The following PLCB4 variants were observed in gnomAD, a reference collection of about 807,000 sequenced individuals.
PLCB4 encodes the protein phospholipase C beta 4.
In PLCB4, 77 loss-of-function variants were observed where a neutral mutation model predicts 178.8. That is an observed-to-expected ratio of 0.43 (90% confidence interval 0.36 to 0.52). The LOEUF (loss-of-function observed/expected upper bound fraction) is 0.52. PLCB4 is among the 20% of genes least tolerant of loss of function. The probability of loss-of-function intolerance (pLI) is 0.00; values close to 1 mark genes in which losing one functional copy is unlikely to be tolerated. For synonymous variants in PLCB4, 496 were observed against 490.8 expected (o/e 1.01, Z -0.14); for missense variants, 1,024 against 1,453.4 (o/e 0.70, Z 4.80).
At chr20:9,166,118 G>A (rs187136579) in intron 2 of PLCB4, among the ~76,000 whole-genome samples, 2 of 152,240 alleles carry the variant, frequency 1.3e-5, no homozygotes, top group African/African-American at 4.8e-5. Context: ...TTATAACCAA[G>A]TTACTACATT....
chr20:9,153,478 T>A (rs2092726628), intron 2 of PLCB4, among the ~76,000 whole-genome samples: 1 of 152,194 alleles, frequency 6.6e-6, no homozygotes, highest in African/African-American at 2.4e-5. Flanking sequence ...TGCTTCTTCC[T>A]CATTTTCTCT....
intron 1 of PLCB4, among the ~76,000 whole-genome samples, chr20:9,082,390 G>A (rs577205227): frequency 3.3e-5 from 5 of 152,120 alleles, no homozygotes; most frequent in South Asian, 2.1e-4. Flanking sequence ...CATTTTATTC[G>A]TAGTGGTTTG....
chr20:9,150,873 A>G (rs2092679549), intron 2 of PLCB4, among the ~76,000 whole-genome samples: 1 of 152,230 alleles, frequency 6.6e-6, no homozygotes, highest in Non-Finnish European at 1.5e-5. Flanking sequence ...AGCTGTTGCC[A>G]TAAAAATCTT....
At chr20:9,198,441 G>T (rs1484896802) in intron 2 of PLCB4, among the ~76,000 whole-genome samples, 1 of 152,160 alleles carries the variant, frequency 6.6e-6, no homozygotes, top group Non-Finnish European at 1.5e-5. Context: ...GTGGAATATG[G>T]GGAATCAACA....
intron 7 of PLCB4, among the ~76,000 whole-genome samples, chr20:9,343,090 G>C (rs577391816): frequency 2.8e-4 from 43 of 152,228 alleles, no homozygotes; most frequent in African/African-American, 1.0e-3. Flanking sequence ...TGTGTATTTT[G>C]TTTGTCTTAT....
chr20:9,114,166 A>G (rs1386609943), intron 2 of PLCB4, among the ~76,000 whole-genome samples: 4 of 152,168 alleles, frequency 2.6e-5, no homozygotes, highest in Non-Finnish European at 4.4e-5. Flanking sequence ...GTGAGCTGAG[A>G]TCATGCCATT....
rs763846898 is a variant in PLCB4, at chr20:9,349,053, T to TA, written c.369+10029dup. On this transcript the variant is annotated intron_variant, in intron 7 of 39. Coordinates refer to ENST00000378473, the MANE Select transcript of PLCB4 (RefSeq NM_001377142.1). ...ATTCTATGCAGAAAGTACAGGATAG[T>TA]AAAAAAAAAAAAAGAAAAGAAAAGA... Among the ~76,000 whole-genome samples, 752 of 134,276 alleles carry TA rather than the reference T, an allele frequency of 5.6e-3. 4 individuals carry two copies. The highest frequency in any genetic ancestry group is 0.014 in the African/African-American group (496 of 36,388). The allele number at this position is 134,276 out of a possible 152,430, so 88.1% of individuals were successfully genotyped here.
intron 3 of PLCB4, among the ~76,000 whole-genome samples, chr20:9,219,645 T>C (rs903367159): frequency 2.0e-5 from 3 of 152,132 alleles, no homozygotes; most frequent in Non-Finnish European, 4.4e-5. Flanking sequence ...CTTCCATATG[T>C]CCCTCCATCC....
At chr20:9,242,659 G>A (rs918887790) in intron 3 of PLCB4, among the ~76,000 whole-genome samples, 9 of 152,168 alleles carry the variant, frequency 5.9e-5, no homozygotes, top group Admixed American at 4.6e-4. Context: ...GTTTAGCTGG[G>A]GATTTTACAG....
At chr20:9,114,213 T>G (rs1425673202) in intron 2 of PLCB4, among the ~76,000 whole-genome samples, 2 of 151,952 alleles carry the variant, frequency 1.3e-5, no homozygotes, top group African/African-American at 4.8e-5. Flanking sequence ...GACTTTGTCT[T>G]AAAAACCTAG....
At chr20:9,242,572 A>G (rs1219989599) in intron 3 of PLCB4, among the ~76,000 whole-genome samples, 1 of 152,190 alleles carries the variant, frequency 6.6e-6, no homozygotes, top group Non-Finnish European at 1.5e-5. Flanking sequence ...CTGATTTACT[A>G]ATAGGGTTGA....
chr20:9,395,693 G>T, intron 19 of PLCB4, 75 bp downstream of exon 19: 1 of 1,080,252 alleles, frequency 9.3e-7, no homozygotes, highest in Admixed American at 2.0e-5. Flanking sequence ...GCTGGGCACA[G>T]TGGCTCAAGC....
rs201634705 is a variant in PLCB4 at position 9,290,179 on chromosome 20, C to A, written c.-15-17621C>A. On this transcript the variant is annotated intron_variant, in intron 3 of 39. Coordinates refer to ENST00000378473, the MANE Select transcript of PLCB4 (RefSeq NM_001377142.1). ...ACTTTATCCTTTCAGAAAAAAAAAA[C>A]CAAAAAAAAAAAACTAATTGATTGC... 3.1e-4 allele frequency among the ~76,000 whole-genome samples: 41 copies of A among 131,418 alleles called. 1 individual carries two copies. Among genetic ancestry groups the A allele is most frequent in the Middle Eastern group, 3.8e-3 (1 of 266 alleles). The allele number at this position is 131,418 out of a possible 152,430, so 86.2% of individuals were successfully genotyped here. A position where few individuals can be genotyped will look rare whatever the true frequency, so the allele number is the denominator to read the frequency against.
At chr20:9,299,044 A>C (rs2094673446) in intron 3 of PLCB4, among the ~76,000 whole-genome samples, 1 of 152,088 alleles carries the variant, frequency 6.6e-6, no homozygotes. Context: ...CGTTCATTTT[A>C]GTCAGTATAT....
At chr20:9,081,768 C>CAAAAAAAAAAAAAA (rs10629831) in intron 1 of PLCB4, among the ~76,000 whole-genome samples, 2 of 90,464 alleles carry the variant, frequency 2.2e-5, no homozygotes, top group African/African-American at 4.4e-5. Context: ...GATGATTAAG[C>CAAAAAAAAAAAAAA]AAAAAAAAAA....
chr20:9,362,772 G>A (rs2035456860), intron 7 of PLCB4, 124 bp from the exon 8 acceptor site: 1 of 664,088 alleles, frequency 1.5e-6, no homozygotes. Context: ...TGTGTGACAG[G>A]AAAGGGACAA....
At chr20:9,209,865 G>A (rs1442818069) in intron 2 of PLCB4, among the ~76,000 whole-genome samples, 1 of 150,114 alleles carries the variant, frequency 6.7e-6, no homozygotes, top group Non-Finnish European at 1.5e-5. Flanking sequence ...TCGGGAAGCT[G>A]AGGCAGGAGA....
At chr20:9,234,737 A>G (rs1028647640) in intron 3 of PLCB4, among the ~76,000 whole-genome samples, 2 of 152,120 alleles carry the variant, frequency 1.3e-5, no homozygotes, top group Admixed American at 1.3e-4. Context: ...TGACACTTGT[A>G]AGATGTTGGA....
chr20:9,138,670 A>G (rs990324485), intron 2 of PLCB4, among the ~76,000 whole-genome samples: 1 of 152,120 alleles, frequency 6.6e-6, no homozygotes, highest in African/African-American at 2.4e-5. Flanking sequence ...TAATGATTAT[A>G]TTAGCATCCA....
Sources: gnomAD v4.1 joint callset for allele counts (sites outside exome capture counted in the v4.1 genomes callset) on GRCh38, gnomAD v4.1.1 for gene constraint, MANE v1.5 for transcripts, NCBI Gene and HGNC (gene_info 2026-07-23, HGNC 2026-07-21) for gene names.